Variants in INTU observed in about 807,000 individuals in gnomAD.
The protein encoded by INTU is protein inturned.
INTU carries 68 observed loss-of-function variants against 100.5 expected under a neutral mutation model. That is an observed-to-expected ratio of 0.68 (90% confidence interval 0.56 to 0.83). The LOEUF is 0.83. INTU is among the 40% of genes least tolerant of loss of function. The probability of loss-of-function intolerance (pLI) is 0.00; values close to 1 mark genes in which losing one functional copy is unlikely to be tolerated. For missense variants in INTU, 1,071 were observed against 1,114.7 expected, an observed-to-expected ratio of 0.96 and a Z score of 0.56; for synonymous variants, 357 against 395.7, an observed-to-expected ratio of 0.90 and a Z score of 1.16.
rs778905736 is a variant in INTU, at chr4:127,704,299, A to T, written c.1566+9A>T. The T allele has an allele frequency of 1.9e-6, 3 of 1,600,364 alleles. No individual in the cohort carries two copies. The highest frequency in any genetic ancestry group is 2.2e-5 in the South Asian group (2 of 89,306). Reference sequence around the variant, plus strand: ...CTTCTCTATTTTACAAGGTAAGTTGAAGCTTGAAGTCTAAATGTCCAGCTG... The same window carrying T: ...CTTCTCTATTTTACAAGGTAAGTTGTAGCTTGAAGTCTAAATGTCCAGCTG... On this transcript the variant is annotated intron_variant, in intron 10 of 15. Transcript: ENST00000335251.
chr4:127,663,557 G>A lies in INTU; in HGVS notation c.945G>A (p.Gln315=). Residue 315 remains glutamine, a synonymous_variant, in exon 4 of 16, where the codon CAG becomes CAA. Coordinates refer to ENST00000335251, the MANE Select transcript of INTU (RefSeq NM_015693.4). ...TPHIIMYLTL[Q]LDSETSKEEQ... ...ATATCATTATGTATCTCACACTACA[G>A]CTCGACTCAGAAACCTCAAAGGAAG... 1 of 1,613,184 alleles carries A rather than the reference G, an allele frequency of 6.2e-7. No individual in the cohort carries two copies. The highest frequency in any genetic ancestry group is 8.5e-7 in the Non-Finnish European group (1 of 1,179,460).
At position 127,717,441 on chromosome 4, in the gene INTU, A is replaced by T. The variant is rs188780868; in HGVS notation, c.*1005A>T. ...CTTTGCTATTGTAAATAGTGCTTCA[A>T]TGAACATATGTGTGCATATATATTT... On this transcript the variant is annotated 3_prime_UTR_variant, in exon 16 of 16. Transcript: ENST00000335251. 2.0e-5 allele frequency: 3 copies of T among 152,330 alleles called. No homozygotes were observed. Among genetic ancestry groups the T allele is most frequent in the Admixed American group, 2.0e-4 (3 of 15,304 alleles). 9.4% of individuals were successfully genotyped at this position (152,330 alleles called of 1,614,324 possible). A position where few individuals can be genotyped will look rare whatever the true frequency, so the allele number is the denominator to read the frequency against.
intron 6 of INTU, among the ~76,000 whole-genome samples, chr4:127,681,705 T>C (rs1411838226): frequency 7.2e-5 from 11 of 152,172 alleles, no homozygotes. Flanking sequence ...AAGGACTTCA[T>C]ATCTAAAACA....
intron 8 of INTU, among the ~76,000 whole-genome samples, chr4:127,696,806 A>G (rs1393639465): frequency 6.6e-6 from 1 of 152,144 alleles, no homozygotes; most frequent in Non-Finnish European, 1.5e-5. Flanking sequence ...TTTTTAATAT[A>G]TGCATTTAAT....
intron 2 of INTU, among the ~76,000 whole-genome samples, chr4:127,655,200 T>C (rs1728127025): frequency 6.6e-6 from 1 of 151,852 alleles, no homozygotes; most frequent in Non-Finnish European, 1.5e-5. Flanking sequence ...AATTTCATCG[T>C]CTGAAGCCTT....
intron 2 of INTU, among the ~76,000 whole-genome samples, chr4:127,647,269 C>T (rs987209997): frequency 6.6e-6 from 1 of 152,174 alleles, no homozygotes; most frequent in African/African-American, 2.4e-5. Flanking sequence ...ATAATGTAAG[C>T]CAGAAATCTA....
At chr4:127,688,519 T>C (rs1483665419) in intron 8 of INTU, among the ~76,000 whole-genome samples, 1 of 152,220 alleles carries the variant, frequency 6.6e-6, no homozygotes, top group Non-Finnish European at 1.5e-5. Flanking sequence ...TGAGGCATTA[T>C]GCCATAGCCA....
At position 127,674,146 on chromosome 4, in the gene INTU, A is replaced by G; in HGVS notation, c.1114A>G (p.Lys372Glu). ...TAGTTCATCCCTCCTTTTAAATGGA[A>G]AACAAATTCATGTGGCTTATTGGAA... ...VTSSSLLLNG[K>E]QIHVAYWKES... is the part of the protein sequence containing the mutation. Residue 372 changes from lysine to glutamate, a missense_variant, in exon 6 of 16, where the codon AAA (lysine) becomes GAA (glutamate). Coordinates refer to ENST00000335251, the MANE Select transcript of INTU (RefSeq NM_015693.4). 1 of 1,612,092 alleles carries G rather than the reference A, an allele frequency of 6.2e-7. No homozygotes were observed. The highest frequency in any genetic ancestry group is 8.5e-7 in the Non-Finnish European group (1 of 1,179,076).
intron 4 of INTU, among the ~76,000 whole-genome samples, chr4:127,668,831 T>A (rs1728803438): frequency 6.6e-6 from 1 of 151,908 alleles, no homozygotes; most frequent in East Asian, 1.9e-4. Flanking sequence ...CGGCAGTCTC[T>A]AACTTATTTT....
At chr4:127,688,971 C>CTTTTTTTTTTTTTTTTTTTTTTTTTTTTT (rs763570146) in intron 8 of INTU, among the ~76,000 whole-genome samples, 1 of 88,026 alleles carries the variant, frequency 1.1e-5, no homozygotes, top group Non-Finnish European at 2.4e-5. Context: ...TTCTTTCTTT[C>CTTTTTTTTTTTTTTTTTTTTTTTTTTTTT]TTTTTTTTTT....
chr4:127,668,808 T>C (rs1489786189), intron 4 of INTU, among the ~76,000 whole-genome samples: 3 of 151,910 alleles, frequency 2.0e-5, no homozygotes, highest in African/African-American at 7.2e-5. Context: ...TTATTTGTTA[T>C]TATGACTAAT....
rs75267850 is a variant in INTU at position 127,650,105 on chromosome 4, A to G, written c.682+6049A>G. Among the ~76,000 whole-genome samples the G allele has an allele frequency of 4.2e-3, 641 of 152,302 alleles. 4 individuals are homozygous for G. Among genetic ancestry groups the G allele is most frequent in the Middle Eastern group, 0.024 (7 of 294 alleles). ...ATGGTTGGGGCCTTTGAAGCAAAGA[A>G]CTGTTTGTAGACATAGATCAATAAC... On this transcript the variant is annotated intron_variant, in intron 2 of 15. Transcript: ENST00000335251.
intron 8 of INTU, among the ~76,000 whole-genome samples, chr4:127,690,571 T>G (rs994304719): frequency 1.3e-5 from 2 of 152,222 alleles, no homozygotes; most frequent in African/African-American, 4.8e-5. Context: ...GTTAGGAGAT[T>G]AAGAACAATA....
rs537930218 is a variant in INTU at position 127,648,808 on chromosome 4, C to T, written c.682+4752C>T. Among the ~76,000 whole-genome samples the T allele has an allele frequency of 7.9e-5, 12 of 151,730 alleles. No homozygotes were observed. The South Asian group carries it at 2.3e-3, about 29-fold the overall frequency. ...AATCTCTTATATAGGAGAAATTAAACAGGCATCTTGTTGTGTTTTTTTTTT... is the reference window on the plus strand; with the variant it reads ...AATCTCTTATATAGGAGAAATTAAATAGGCATCTTGTTGTGTTTTTTTTTT... On this transcript the variant is annotated intron_variant, in intron 2 of 15. Transcript: ENST00000335251.
intron 8 of INTU, among the ~76,000 whole-genome samples, chr4:127,697,678 T>G (rs889002570): frequency 6.6e-6 from 1 of 152,240 alleles, no homozygotes; most frequent in African/African-American, 2.4e-5. Context: ...CCATTATGTA[T>G]ATATGGCACA....
At chr4:127,652,309 G>C (rs1727925282) in intron 2 of INTU, among the ~76,000 whole-genome samples, 1 of 150,088 alleles carries the variant, frequency 6.7e-6, no homozygotes, top group Non-Finnish European at 1.5e-5. Flanking sequence ...GTTTTCAAAG[G>C]GAATGCTTCC....
intron 1 of INTU, among the ~76,000 whole-genome samples, chr4:127,639,767 G>A (rs933726784): frequency 1.3e-5 from 2 of 152,052 alleles, no homozygotes; most frequent in Non-Finnish European, 2.9e-5. Flanking sequence ...TCTTTGTGAT[G>A]AGAACATTCA....
At chr4:127,668,724 T>A (rs1034165579) in intron 4 of INTU, among the ~76,000 whole-genome samples, 2 of 151,878 alleles carry the variant, frequency 1.3e-5, no homozygotes, top group Admixed American at 6.6e-5. Context: ...TATAAATTAT[T>A]ATTAAAGAGA....
intron 8 of INTU, among the ~76,000 whole-genome samples, chr4:127,689,765 G>A (rs1730025764): frequency 6.6e-6 from 1 of 151,888 alleles, no homozygotes. Flanking sequence ...GAAGAGGCAA[G>A]GGAAGGGAAG....
Sources: allele counts gnomAD v4.1 joint callset (sites outside exome capture counted in the v4.1 genomes callset), GRCh38; gene constraint gnomAD v4.1.1; transcripts MANE v1.5; gene names NCBI Gene and HGNC (gene_info 2026-07-23, HGNC 2026-07-21).